Variants in HIP1 observed in about 807,000 individuals in gnomAD.
The protein encoded by HIP1 is huntingtin-interacting protein 1.
In HIP1, 65 loss-of-function variants were observed where a neutral mutation model predicts 147.6. The observed-to-expected ratio is 0.44, with a 90% CI of 0.36 to 0.54. The LOEUF (loss-of-function observed/expected upper bound fraction) is 0.54. Ranked by LOEUF, HIP1 falls within the 20% of genes least tolerant of loss-of-function variation. HIP1 has a pLI of 0.00. For synonymous variants in HIP1, 479 were observed against 504.0 expected (o/e 0.95, Z 0.67); for missense variants, 1,061 against 1,299.6 (o/e 0.82, Z 2.82).
At position 75,537,904 on chromosome 7, in the gene HIP1, C is replaced by T. The variant is rs1167832; in HGVS notation, c.*268G>A. 79,924 of 509,176 alleles carry T rather than the reference C, an allele frequency of 0.16. 8,710 individuals carry two copies. Among genetic ancestry groups the T allele is most frequent in the African/African-American group, 0.39 (20,531 of 52,060 alleles). The allele number at this position is 509,176 out of a possible 1,614,324, so 31.5% of individuals were successfully genotyped here. A position where few individuals can be genotyped will look rare whatever the true frequency, so the allele number is the denominator to read the frequency against. ...GGCCCTGCCCCCCACCACCCCTCTT[C>T]GTACCTAGGCTTGCTCATGGGCAGC... On this transcript the variant is annotated 3_prime_UTR_variant, in exon 31 of 31. Coordinates refer to ENST00000336926, the MANE Select transcript of HIP1 (RefSeq NM_005338.7).
rs1795487334 is a variant in HIP1 at position 75,568,332 on chromosome 7, G to A, written c.746-76C>T. On this transcript the variant is annotated intron_variant, in intron 8 of 30. Transcript: ENST00000336926. This position sits in a 1 kb window ranked among gnomAD's most constrained non-coding sequence, Gnocchi z 4.1. ...GAAGCCACAGCGGGGCTCTCGAGGG[G>A]GAGGGGCCCAGCTACCCTGGGGCAT... is the stretch of plus-strand genomic sequence containing the variant. 2 of 953,258 alleles carry A rather than the reference G, an allele frequency of 2.1e-6. No homozygotes were observed. Among genetic ancestry groups the A allele is most frequent in the East Asian group, 2.4e-5 (1 of 41,860 alleles). 59.0% of individuals were successfully genotyped at this position (953,258 alleles called of 1,614,324 possible).
chr7:75,595,387 G>A (rs1554501815), intron 2 of HIP1, among the ~76,000 whole-genome samples: 1 of 150,208 alleles, frequency 6.7e-6, no homozygotes, highest in Non-Finnish European at 1.5e-5. Flanking sequence ...CTGTTGCCCA[G>A]GCTGGAGTGC....
rs1179611 is a variant in HIP1 at position 75,617,593 on chromosome 7, G to C, written c.121-18346C>G. On this transcript the variant is annotated intron_variant, in intron 1 of 30. Coordinates refer to ENST00000336926, the MANE Select transcript of HIP1 (RefSeq NM_005338.7). ...ATGCCAGCTGCCTCCCTCCATAAGAGAACATCTGTGATGACCTTCGGGGTG... is the reference window on the plus strand; with the variant it reads ...ATGCCAGCTGCCTCCCTCCATAAGACAACATCTGTGATGACCTTCGGGGTG... Among the ~76,000 whole-genome samples the C allele has an allele frequency of 7.2e-3, 1,103 of 152,224 alleles. 18 individuals are homozygous for C. The highest frequency in any genetic ancestry group is 0.025 in the African/African-American group (1,045 of 41,544).
intron 1 of HIP1, among the ~76,000 whole-genome samples, chr7:75,637,977 ACCCCCCCCC>A (rs548189788): frequency 5.2e-5 from 2 of 38,636 alleles, no homozygotes; most frequent in African/African-American, 1.8e-4. Flanking sequence ...GCAGACCCAG[ACCCCCCCCC>A]CCCCCCCACA....
chr7:75,675,441 T>C (rs1799859258), intron 1 of HIP1, among the ~76,000 whole-genome samples: 2 of 152,152 alleles, frequency 1.3e-5, no homozygotes, highest in African/African-American at 4.8e-5. Flanking sequence ...TCTCAGGTGT[T>C]TGGCCTCACC....
intron 1 of HIP1, among the ~76,000 whole-genome samples, chr7:75,725,112 AACTTGG>A (rs1801613400): frequency 6.6e-6 from 1 of 151,894 alleles, no homozygotes; most frequent in African/African-American, 2.4e-5. Context: ...TGCAGCCTCC[AACTTGG>A]GCTCAAGCGA....
chr7:75,602,304 T>A (rs1373847433), intron 1 of HIP1, among the ~76,000 whole-genome samples: 19 of 53,434 alleles, frequency 3.6e-4, no homozygotes, highest in South Asian at 1.3e-3. Flanking sequence ...CCTGGCCAGC[T>A]TTTTTTTTTT....
At chr7:75,728,327 T>A (rs1801719010) in intron 1 of HIP1, among the ~76,000 whole-genome samples, 1 of 152,152 alleles carries the variant, frequency 6.6e-6, no homozygotes, top group Non-Finnish European at 1.5e-5. Flanking sequence ...GCCCACACAC[T>A]GGGAACAGAG....
At chr7:75,596,005 A>C (rs1040406654) in intron 2 of HIP1, among the ~76,000 whole-genome samples, 39 of 152,274 alleles carry the variant, frequency 2.6e-4, no homozygotes, top group Admixed American at 2.3e-3. Context: ...TGGGAGGCCC[A>C]GCGGGAGGAC....
intron 7 of HIP1, among the ~76,000 whole-genome samples, chr7:75,580,748 C>T (rs1445936565): frequency 6.6e-6 from 1 of 151,242 alleles, no homozygotes; most frequent in Non-Finnish European, 1.5e-5. Flanking sequence ...CTCTCTCTCT[C>T]TTTTTTCTTT....
At chr7:75,734,403 G>A (rs1402848297) in intron 1 of HIP1, among the ~76,000 whole-genome samples, 1 of 152,062 alleles carries the variant, frequency 6.6e-6, no homozygotes, top group Non-Finnish European at 1.5e-5. Flanking sequence ...CTATGATGGT[G>A]CCACTGCACT....
Position 75,729,561 on chromosome 7 carries a change from A to C in HIP1, c.120+9240T>G, listed in dbSNP as rs186123738. On this transcript the variant is annotated intron_variant, in intron 1 of 30. Coordinates refer to ENST00000336926, the MANE Select transcript of HIP1 (RefSeq NM_005338.7). ...AGTACTTTGGGAGGCTGAGGTGGGC[A>C]GATCACCTGAGGTCAGGAGTTCGAG... Among the ~76,000 whole-genome samples the C allele has an allele frequency of 6.2e-3, 943 of 152,140 alleles. 18 individuals are homozygous for C. Among genetic ancestry groups the C allele is most frequent in the African/African-American group, 0.021 (877 of 41,536 alleles).
At chr7:75,721,296 C>A (rs1801497488) in intron 1 of HIP1, among the ~76,000 whole-genome samples, 1 of 151,916 alleles carries the variant, frequency 6.6e-6, no homozygotes, top group African/African-American at 2.4e-5. Context: ...ATTGCTTGAA[C>A]CTGGGAGGTG....
intron 1 of HIP1, among the ~76,000 whole-genome samples, chr7:75,658,172 C>T (rs1324320291): frequency 6.6e-6 from 1 of 152,192 alleles, no homozygotes; most frequent in Non-Finnish European, 1.5e-5. Flanking sequence ...CGTCTCACTG[C>T]AGCCTTCACC....
At chr7:75,728,392 A>T (rs1801720510) in intron 1 of HIP1, among the ~76,000 whole-genome samples, 2 of 152,124 alleles carry the variant, frequency 1.3e-5, no homozygotes, top group Non-Finnish European at 2.9e-5. Flanking sequence ...CCCTGCCGGG[A>T]GGTGGGGCTG....
intron 1 of HIP1, among the ~76,000 whole-genome samples, chr7:75,709,109 C>CT (rs55720152): frequency 0.43 from 55,842 of 131,384 alleles, 11,224 homozygotes; most frequent in Admixed American, 0.47. Flanking sequence ...TTTTTCTTTT[C>CT]TTTTTTTTTT....
intron 4 of HIP1, among the ~76,000 whole-genome samples, chr7:75,590,694 G>A (rs1171839775): frequency 6.6e-6 from 1 of 152,092 alleles, no homozygotes; most frequent in East Asian, 1.9e-4. Flanking sequence ...AAAAATATAG[G>A]AATGCTTAAA....
chr7:75,578,743 TCCCACC>T (rs1189686634), intron 7 of HIP1, among the ~76,000 whole-genome samples: 2 of 152,116 alleles, frequency 1.3e-5, no homozygotes, highest in Admixed American at 6.6e-5. Flanking sequence ...CATACGTTGT[TCCCACC>T]AAAATCCAAA....
intron 2 of HIP1, among the ~76,000 whole-genome samples, chr7:75,595,987 C>T (rs1445955548): frequency 1.3e-5 from 2 of 152,094 alleles, no homozygotes; most frequent in Admixed American, 1.3e-4. Context: ...CCTGTAATTG[C>T]AGCACTTTGG....
Sources: gnomAD v4.1 joint callset for allele counts (sites outside exome capture counted in the v4.1 genomes callset) on GRCh38, gnomAD v4.1.1 for gene constraint, Gnocchi (gnomAD v3.1) non-coding constraint, MANE v1.5 for transcripts, NCBI Gene and HGNC (gene_info 2026-07-23, HGNC 2026-07-21) for gene names.